The following ANKRD2 variants were observed in gnomAD, a reference collection of about 807,000 sequenced individuals.
ANKRD2 encodes the protein ankyrin repeat domain 2.
ANKRD2 carries 35 observed loss-of-function variants against 37.3 expected under a neutral mutation model. The observed-to-expected ratio is 0.94, with a 90% CI of 0.72 to 1.24. The LOEUF is 1.24. Among genes scored for constraint, ANKRD2 ranks in the 50% most tolerant of loss-of-function variants. The pLI is 0.00. For synonymous variants in ANKRD2, 159 were observed against 186.5 expected (o/e 0.85, Z 1.20); for missense variants, 410 against 445.6 (o/e 0.92, Z 0.72).
chr10:97,580,707 TA>T, intron 4 of ANKRD2, 147 bp from the exon 5 acceptor site: 1 of 631,048 alleles, frequency 1.6e-6, no homozygotes, highest in Non-Finnish European at 2.7e-6. Context: ...GGATAGAGCA[TA>T]AGGGAGCTGG....
intron 1 of ANKRD2, among the ~76,000 whole-genome samples, chr10:97,575,772 G>C (rs960958297): frequency 6.6e-6 from 1 of 152,134 alleles, no homozygotes; most frequent in South Asian, 2.1e-4. Context: ...TTAGCCAGGC[G>C]TGGCGGCATG....
At chr10:97,573,722 C>T (rs557334271) in intron 1 of ANKRD2, among the ~76,000 whole-genome samples, 1 of 152,134 alleles carries the variant, frequency 6.6e-6, no homozygotes, top group Non-Finnish European at 1.5e-5. Flanking sequence ...CCACCATGCC[C>T]GGCCCCTACT....
chr10:97,576,708 A>T (rs1460692491), intron 1 of ANKRD2, among the ~76,000 whole-genome samples: 5 of 145,456 alleles, frequency 3.4e-5, no homozygotes, highest in Admixed American at 2.7e-4. Context: ...TTATTTATTT[A>T]TTTTTTGAGA....
chr10:97,574,175 C>G (rs192071388), intron 1 of ANKRD2, among the ~76,000 whole-genome samples: 360 of 152,100 alleles, frequency 2.4e-3, no homozygotes, highest in Middle Eastern at 0.02. Context: ...CCCAGCTACT[C>G]AGGAGGCTGA....
intron 3 of ANKRD2, 41 bp downstream of exon 3, chr10:97,578,439 G>A: frequency 6.2e-7 from 1 of 1,609,816 alleles, no homozygotes; most frequent in African/African-American, 1.3e-5. Flanking sequence ...GGCGGAGGGG[G>A]AGCCCGGGAG....
At chr10:97,579,283 TG>T (rs1490648058) in intron 4 of ANKRD2, among the ~76,000 whole-genome samples, 1 of 151,992 alleles carries the variant, frequency 6.6e-6, no homozygotes, top group Non-Finnish European at 1.5e-5. Context: ...ATGATATTTT[TG>T]TTTCTCATGG....
At chr10:97,576,326 A>G (rs2040825867) in intron 1 of ANKRD2, among the ~76,000 whole-genome samples, 1 of 152,228 alleles carries the variant, frequency 6.6e-6, no homozygotes, top group African/African-American at 2.4e-5. Flanking sequence ...TGGGAGTGCC[A>G]GCACATCACA....
At chr10:97,581,253 A>T (rs2135706269) in intron 5 of ANKRD2, 63 bp from the exon 6 acceptor site, 2 of 1,522,502 alleles carry the variant, frequency 1.3e-6, no homozygotes, top group African/African-American at 1.4e-5. Flanking sequence ...TGGCTGGGGT[A>T]CATTACCCCC....
chr10:97,576,357 G>A (rs2040826186), intron 1 of ANKRD2, among the ~76,000 whole-genome samples: 2 of 152,190 alleles, frequency 1.3e-5, no homozygotes, highest in Non-Finnish European at 2.9e-5. Context: ...AAGCAGTCCA[G>A]GAAAATCAGA....
At chr10:97,580,086 A>T (rs753682541) in intron 4 of ANKRD2, among the ~76,000 whole-genome samples, 8 of 151,988 alleles carry the variant, frequency 5.3e-5, no homozygotes, top group Non-Finnish European at 8.8e-5. Context: ...TGTTCTTTAG[A>T]CTCCAGAGTC....
In ANKRD2 at chr10:97,577,882, C is replaced by T. The variant is rs1370655938; in HGVS notation, c.170C>T (p.Ala57Val). 1.3e-6 allele frequency: 2 copies of T among 1,566,112 alleles called. No homozygotes were observed. Among genetic ancestry groups the T allele is most frequent in the South Asian group, 1.2e-5 (1 of 84,940 alleles). The change falls in exon 2 of 9, where the codon GCA (alanine) becomes GTA (valine). Residue 57 changes from alanine (A) to valine (V), a missense_variant. Physicochemically the swap from Ala to Val is moderately conservative, Grantham distance 64 (BLOSUM62 0). Coordinates refer to ENST00000370655, the MANE Select transcript of ANKRD2 (RefSeq NM_001346793.2). ...GAGAAGCACCACGGGGCTCAGAGTG[C>T]AGCCCTGCAGAAGGTGAAGGTAAGC... The part of the protein sequence containing the change: ...EDEKHHGAQS[A>V]ALQKVKGQER...
At chr10:97,575,399 T>C (rs1033362522) in intron 1 of ANKRD2, among the ~76,000 whole-genome samples, 1 of 152,184 alleles carries the variant, frequency 6.6e-6, no homozygotes, top group Admixed American at 6.5e-5. Flanking sequence ...TGAGTCTGCT[T>C]GCCATCATCC....
intron 3 of ANKRD2, 35 bp downstream of exon 3, chr10:97,578,433 G>A (rs1445710820): frequency 1.2e-6 from 2 of 1,611,488 alleles, no homozygotes; most frequent in East Asian, 2.2e-5. Context: ...CGAGGGGGCG[G>A]AGGGGGAGCC....
chr10:97,572,973 G>T (rs41290454), intron 1 of ANKRD2, 98 bp downstream of exon 1: 3 of 1,444,966 alleles, frequency 2.1e-6, no homozygotes, highest in African/African-American at 2.8e-5. Context: ...TGGTGGGGAG[G>T]GGGGCAGATG....
chr10:97,573,732 T>G (rs1294099289), intron 1 of ANKRD2, among the ~76,000 whole-genome samples: 1 of 152,156 alleles, frequency 6.6e-6, no homozygotes, highest in Non-Finnish European at 1.5e-5. Flanking sequence ...CGGCCCCTAC[T>G]CTTCACTTTA....
In ANKRD2 at chr10:97,578,585, T is replaced by C; in HGVS notation, c.436T>C (p.Ser146Pro). 1 of 1,557,276 alleles carries C rather than the reference T, an allele frequency of 6.4e-7. No individual in the cohort carries two copies. Among genetic ancestry groups the C allele is most frequent in the Non-Finnish European group, 8.7e-7 (1 of 1,150,934 alleles). ...TGAGAAGTTCCTGGCTGACGGGGGG[T>C]CAGCCGACACGTGCGACCAGGTGAT... Reference protein sequence around the residue: ...VIEKFLADGGSADTCDQFRRT... With the variant: ...VIEKFLADGGPADTCDQFRRT... Residue 146 changes from serine to proline, a missense_variant, in exon 4 of 9, where the codon TCA (serine) becomes CCA (proline). Transcript: ENST00000370655.
chr10:97,580,884 C>G lies in ANKRD2; in HGVS notation c.486C>G (p.Ser162=). The G allele has an allele frequency of 1.9e-6, 3 of 1,611,402 alleles. No individual in the cohort carries two copies. The highest frequency in any genetic ancestry group is 2.5e-6 in the Non-Finnish European group (3 of 1,179,044). The change falls in exon 5 of 9, where the codon TCC becomes TCG. Residue 162 remains serine, a synonymous_variant. Transcript: ENST00000370655. Reference sequence around the variant, plus strand: ...GTCGGACAGCACTGCACCGAGCTTCCCTGGAAGGCCACATGGAAATCCTGG... The same window carrying G: ...GTCGGACAGCACTGCACCGAGCTTCGCTGGAAGGCCACATGGAAATCCTGG... The part of the protein sequence containing the change: ...QFRRTALHRA[S]LEGHMEILEK...
rs2040889839 is a variant in ANKRD2 at position 97,580,917 on chromosome 10, T to C, written c.519T>C (p.Leu173=). 1.2e-6 allele frequency: 2 copies of C among 1,607,064 alleles called. No homozygotes were observed. Among genetic ancestry groups the C allele is most frequent in the Non-Finnish European group, 1.7e-6 (2 of 1,177,006 alleles). Residue 173 remains leucine (L), a synonymous_variant, in exon 5 of 9, where the codon CTT becomes CTC. Coordinates refer to ENST00000370655, the MANE Select transcript of ANKRD2 (RefSeq NM_001346793.2). ...LEGHMEILEK[L]LDNGATVDFQ... The stretch of plus-strand genomic sequence containing the variant: ...GCCACATGGAAATCCTGGAGAAGCT[T>C]CTAGATAATGGGGCCACTGTGGACT...
In ANKRD2 at chr10:97,578,535, C is replaced by A. The variant is rs1283511314; in HGVS notation, c.386C>A (p.Ala129Glu). 1.1e-5 allele frequency: 17 copies of A among 1,576,192 alleles called. No homozygotes were observed. The highest frequency in any genetic ancestry group is 1.5e-5 in the Non-Finnish European group (17 of 1,160,538). ...PVDEETFLKA[A>E]VEGKMKVIEK... Reference sequence around the variant, plus strand: ...GATGAGGAGACCTTCCTGAAAGCTGCGGTGGAGGGGAAAATGAAGGTCATT... The same window carrying A: ...GATGAGGAGACCTTCCTGAAAGCTGAGGTGGAGGGGAAAATGAAGGTCATT... Residue 129 changes from alanine (A) to glutamate (E), a missense_variant, in exon 4 of 9, where the codon GCG (alanine) becomes GAG (glutamate). Physicochemically the swap from Ala to Glu is moderately radical, Grantham distance 107. Coordinates refer to ENST00000370655, the MANE Select transcript of ANKRD2 (RefSeq NM_001346793.2).
Sources: allele counts gnomAD v4.1 joint callset (sites outside exome capture counted in the v4.1 genomes callset), GRCh38; gene constraint gnomAD v4.1.1; transcripts MANE v1.5; gene names NCBI Gene and HGNC (gene_info 2026-07-23, HGNC 2026-07-21).